B4GALT3: variants seen among roughly 807,000 people sequenced by gnomAD.
B4GALT3 encodes N-acetyllactosamine synthase.
Under a neutral mutation model 40.7 loss-of-function variants are expected in B4GALT3, and 29 were observed. The observed-to-expected ratio is 0.71, with a 90% CI of 0.53 to 0.97. B4GALT3 has a LOEUF of 0.97. Ranked by LOEUF, B4GALT3 falls within the 50% of genes least tolerant of loss-of-function variation. The probability of loss-of-function intolerance (pLI) is 0.00; values close to 1 mark genes in which losing one functional copy is unlikely to be tolerated. For missense variants in B4GALT3, 390 were observed against 522.3 expected, an observed-to-expected ratio of 0.75 and a Z score of 2.47; for synonymous variants, 182 against 203.9, an observed-to-expected ratio of 0.89 and a Z score of 0.92.
In B4GALT3 at chr1:161,172,229, G is replaced by T. The variant is rs752000957; in HGVS notation, c.906C>A (p.His302Gln). 1.2e-6 allele frequency: 2 copies of T among 1,613,998 alleles called. No individual in the cohort carries two copies. Among genetic ancestry groups the T allele is most frequent in the Non-Finnish European group, 1.7e-6 (2 of 1,179,928 alleles). ...RGDKGNEENP[H>Q]RFDLLVRTQN... ...AGGCAGTCCTTCCTTCTTCCTACCT[G>T]TGGGGATTTTCCTCATTGCCCTTAT... The change falls in exon 7 of 8, where the codon CAC becomes CAA. Residue 302 changes from histidine (H) to glutamine (Q), a missense_variant and splice_region_variant. This residue lies in a region of B4GALT3 where 135 missense variants were observed against 227.8 expected (regional missense o/e 0.59). Coordinates refer to ENST00000319769, the MANE Select transcript of B4GALT3 (RefSeq NM_003779.4).
chr1:161,176,402 T>G, intron 2 of B4GALT3, 32 bp downstream of exon 2: 1 of 411,006 alleles, frequency 2.4e-6, no homozygotes. Flanking sequence ...GAACCCCCTC[T>G]TCCAATTTTA....
At chr1:161,174,906 G>T in intron 4 of B4GALT3, 87 bp downstream of exon 4, 5 of 1,381,136 alleles carry the variant, frequency 3.6e-6, no homozygotes, top group Non-Finnish European at 5.1e-6. Context: ...ATTATTCTAG[G>T]GACCCATTTA....
intron 3 of B4GALT3, 33 bp downstream of exon 3, chr1:161,175,775 T>C (rs765792147): frequency 1.2e-6 from 2 of 1,606,858 alleles, no homozygotes; most frequent in Non-Finnish European, 1.7e-6. Context: ...CACCTTGTCC[T>C]TCCTTTCACC....
intron 1 of B4GALT3, chr1:161,176,839 T>C: frequency 6.5e-7 from 1 of 1,534,286 alleles, no homozygotes; most frequent in Non-Finnish European, 8.7e-7. Context: ...GAAACATTGT[T>C]TTCCCCCAGA....
At chr1:161,176,211 G>A (rs1043603037) in intron 2 of B4GALT3, 137 bp from the exon 3 acceptor site, 3 of 938,514 alleles carry the variant, frequency 3.2e-6, no homozygotes, top group East Asian at 2.6e-5. Flanking sequence ...GGAGCACACA[G>A]GTGCACAGTC....
intron 1 of B4GALT3, 40 bp from the exon 2 acceptor site, chr1:161,176,619 C>T (rs1402883759): frequency 2.3e-5 from 13 of 560,020 alleles, no homozygotes; most frequent in South Asian, 2.1e-4. Flanking sequence ...CTACCTGCAC[C>T]GCCAGAGATC....
chr1:161,175,872 C>G lies in B4GALT3; in HGVS notation c.189G>C (p.Gly63=). The G allele has an allele frequency of 6.2e-7, 1 of 1,614,102 alleles. No individual in the cohort carries two copies. The highest frequency in any genetic ancestry group is 8.5e-7 in the Non-Finnish European group (1 of 1,180,026). ...GAGGAGCTGGAGGACCCCCTGGGGC[C>G]CCAGGCAGGTGACTGAGGTTACTGT... ...DVYSNLSHLP[G]APGGPPAPQG... Residue 63 remains glycine (G), a synonymous_variant, in exon 3 of 8, where the codon GGG becomes GGC. Coordinates refer to ENST00000319769, the MANE Select transcript of B4GALT3 (RefSeq NM_003779.4).
chr1:161,177,211 A>C (rs1212570863), intron 1 of B4GALT3: 3 of 795,908 alleles, frequency 3.8e-6, no homozygotes, highest in Admixed American at 5.6e-5. Context: ...GTTAAAACCC[A>C]GCTCTTTCGG....
Position 161,172,255 on chromosome 1 carries a change from C to T in B4GALT3, c.880G>A (p.Asp294Asn), listed in dbSNP as rs1365211967. Reference protein sequence around the residue: ...GHYKMVKHRGDKGNEENPHRF... With the variant: ...GHYKMVKHRGNKGNEENPHRF... ...TGGGGATTTTCCTCATTGCCCTTAT[C>T]TCCTCGGTGCTTCACCATCTTATAG... Residue 294 changes from aspartate to asparagine, a missense_variant, in exon 7 of 8, where the codon GAT (aspartate) becomes AAT (asparagine). By Grantham distance (23) the Asp-to-Asn change is conservative. This residue lies in a region of B4GALT3 where 135 missense variants were observed against 227.8 expected (regional missense o/e 0.59). Coordinates refer to ENST00000319769, the MANE Select transcript of B4GALT3 (RefSeq NM_003779.4). The T allele has an allele frequency of 6.2e-7, 1 of 1,614,132 alleles. No individual in the cohort carries two copies. Among genetic ancestry groups the T allele is most frequent in the East Asian group, 2.2e-5 (1 of 44,886 alleles).
At chr1:161,176,825 A>G (rs1172930919) in intron 1 of B4GALT3, 3 of 1,528,334 alleles carry the variant, frequency 2.0e-6, no homozygotes, top group Non-Finnish European at 2.6e-6. Flanking sequence ...CAGGACAGCT[A>G]ATGGAAACAT....
chr1:161,175,175 C>T lies in B4GALT3; in HGVS notation c.307G>A (p.Glu103Lys), dbSNP rs141596172. Residue 103 changes from glutamate (E) to lysine (K), a missense_variant, in exon 4 of 8, where the codon GAG becomes AAG. Physicochemically the swap from Glu to Lys is moderately conservative, Grantham distance 56. Coordinates refer to ENST00000319769, the MANE Select transcript of B4GALT3 (RefSeq NM_003779.4). The part of the protein sequence containing the change: ...SPVPSLAEIV[E>K]RNPRVEPGGR... ...CCTGGTTCTACCCGGGGATTCCGCT[C>T]CACAATCTCTGCCAGTGATGGCACT... 4.2e-4 allele frequency: 685 copies of T among 1,613,674 alleles called. 1 individual carries two copies. Among genetic ancestry groups the T allele is most frequent in the Admixed American group, 5.3e-4 (32 of 59,848 alleles).
chr1:161,172,076 C>T lies in B4GALT3; in HGVS notation c.922G>A (p.Val308Ile). Residue 308 changes from valine to isoleucine, a missense_variant, in exon 8 of 8, where the codon GTC becomes ATC. By Grantham distance (29) the Val-to-Ile change is conservative. Transcript: ENST00000319769. The stretch of plus-strand genomic sequence containing the variant: ...TGCGTCCAGGAATTCTGGGTACGGA[C>T]CAGGAGGTCAAATCTGAGGGTTAGA... ...EENPHRFDLL[V>I]RTQNSWTQDG... The T allele has an allele frequency of 6.2e-7, 1 of 1,614,094 alleles. No individual in the cohort carries two copies. Among genetic ancestry groups the T allele is most frequent in the Non-Finnish European group, 8.5e-7 (1 of 1,180,012 alleles).
chr1:161,177,190 C>T, intron 1 of B4GALT3: 1 of 982,806 alleles, frequency 1.0e-6, no homozygotes, highest in South Asian at 1.6e-5. Context: ...GTGGTCCGCG[C>T]TGTGGAGGGG....
At chr1:161,177,732 A>G (rs1387902698), upstream of B4GALT3, 4 of 152,762 alleles carry the variant, frequency 2.6e-5, no homozygotes, top group African/African-American at 4.8e-5. Flanking sequence ...GATTTGTAAA[A>G]GCAGAAGCTC....
rs1207264794 is a variant in B4GALT3 at position 161,171,768 on chromosome 1, C to T, written c.*48G>A. The T allele has an allele frequency of 1.0e-5, 16 of 1,601,058 alleles. No homozygotes were observed. The highest frequency in any genetic ancestry group is 1.4e-5 in the Non-Finnish European group (16 of 1,171,358). On this transcript the variant is annotated 3_prime_UTR_variant, in exon 8 of 8. Transcript: ENST00000319769. ...TGAGGAGCTGAGGGTGGGGAGAATA[C>T]AACCCCATGAATTCGGTTTCATGAT...
chr1:161,174,764 A>G, intron 4 of B4GALT3: 1 of 536,704 alleles, frequency 1.9e-6, no homozygotes. Flanking sequence ...GCCATTCAAT[A>G]AAGAAAAAAT....
chr1:161,173,684 G>C lies in B4GALT3; in HGVS notation c.724C>G (p.Pro242Ala). Residue 242 changes from proline to alanine, a missense_variant, in exon 6 of 8, where the codon CCT becomes GCT. By Grantham distance (27) the Pro-to-Ala change is conservative. Around this residue, in one of 3 missense-constraint regions of B4GALT3, gnomAD observed 135 missense variants for 227.8 expected, o/e 0.59. Coordinates refer to ENST00000319769, the MANE Select transcript of B4GALT3 (RefSeq NM_003779.4). ...CCATTCATCTTCAGGTACTGGTCAG[G>C]AGTAAGTGCTGAGACTCCTCCGAAG... ...QYFGGVSALT[P>A]DQYLKMNGFP... is the part of the protein sequence containing the mutation. 1 of 1,614,188 alleles carries C rather than the reference G, an allele frequency of 6.2e-7. No homozygotes were observed. The highest frequency in any genetic ancestry group is 8.5e-7 in the Non-Finnish European group (1 of 1,180,032).
chr1:161,172,013 G>C lies in B4GALT3; in HGVS notation c.985C>G (p.Arg329Gly). 1 of 1,614,206 alleles carries C rather than the reference G, an allele frequency of 6.2e-7. No individual in the cohort carries two copies. Among genetic ancestry groups the C allele is most frequent in the Non-Finnish European group, 8.5e-7 (1 of 1,180,024 alleles). ...TTGGTATAAAGAGGCCCCAGCTCTC[G>C]AGCCAGCAACTGGTATGTCAGTGAG... ...MNSLTYQLLA[R>G]ELGPLYTNIT... The change falls in exon 8 of 8, where the codon CGA becomes GGA. Residue 329 changes from arginine (R) to glycine (G), a missense_variant. Around this residue, in one of 3 missense-constraint regions of B4GALT3, gnomAD observed 135 missense variants for 227.8 expected, o/e 0.59. Coordinates refer to ENST00000319769, the MANE Select transcript of B4GALT3 (RefSeq NM_003779.4).
intron 4 of B4GALT3, 27 bp from the exon 5 acceptor site, chr1:161,174,076 C>A: frequency 6.2e-7 from 1 of 1,607,380 alleles, no homozygotes; most frequent in Non-Finnish European, 8.5e-7. Flanking sequence ...GGGAACCAGA[C>A]TATGTCTGTA....
Sources: allele counts gnomAD v4.1 joint callset, GRCh38; gene constraint gnomAD v4.1.1; regional missense constraint gnomAD v4.1.1; transcripts MANE v1.5; gene names NCBI Gene and HGNC (gene_info 2026-07-23, HGNC 2026-07-21).